The following FARS2 variants were observed in gnomAD, a reference collection of about 807,000 sequenced individuals.
The protein encoded by FARS2 is phenylalanyl-tRNA synthetase 2, mitochondrial, also known as phenylalanine--tRNA ligase, mitochondrial.
In FARS2, 40 loss-of-function variants were observed where a neutral mutation model predicts 46.4. The ratio of observed to expected loss-of-function variants is 0.86; its 90% CI spans 0.67 to 1.12. The LOEUF (loss-of-function observed/expected upper bound fraction) is 1.12. Ranked by LOEUF, FARS2 falls within the 50% of genes most tolerant of loss-of-function variation. FARS2 has a pLI of 0.00. For synonymous variants in FARS2, 234 were observed against 214.9 expected, an observed-to-expected ratio of 1.09 and a Z score of -0.78; for missense variants, 513 against 567.9, an observed-to-expected ratio of 0.90 and a Z score of 0.98.
intron 5 of FARS2, among the ~76,000 whole-genome samples, chr6:5,584,171 G>A (rs1185876949): frequency 2.9e-5 from 4 of 138,202 alleles, no homozygotes; most frequent in Non-Finnish European, 6.1e-5. Context: ...AGGACCCTGC[G>A]GGCCCTGAGT....
At chr6:5,281,459 A>C (rs1311822616) in intron 1 of FARS2, among the ~76,000 whole-genome samples, 1 of 152,170 alleles carries the variant, frequency 6.6e-6, no homozygotes, top group Non-Finnish European at 1.5e-5. Context: ...AATTGTGGTA[A>C]AATATATATA....
chr6:5,578,628 T>C (rs1254290335), intron 5 of FARS2, among the ~76,000 whole-genome samples: 1 of 151,688 alleles, frequency 6.6e-6, no homozygotes. Flanking sequence ...GCTAACACAG[T>C]GAAACCCCAT....
intron 6 of FARS2, among the ~76,000 whole-genome samples, chr6:5,617,191 A>G (rs1464723120): frequency 1.3e-5 from 2 of 152,220 alleles, no homozygotes; most frequent in African/African-American, 4.8e-5. Flanking sequence ...TAATGCAGGT[A>G]TACACACACA....
intron 1 of FARS2, among the ~76,000 whole-genome samples, chr6:5,291,674 C>T (rs1363702474): frequency 2.6e-5 from 4 of 151,616 alleles, no homozygotes; most frequent in Non-Finnish European, 4.4e-5. Flanking sequence ...GAGGCTAAGA[C>T]GGGAGTCCAG....
chr6:5,478,400 A>C (rs1766250955), intron 4 of FARS2, among the ~76,000 whole-genome samples: 1 of 152,230 alleles, frequency 6.6e-6, no homozygotes, highest in African/African-American at 2.4e-5. Context: ...CCTGACAGCT[A>C]ATCTTGGGAA....
intron 2 of FARS2, among the ~76,000 whole-genome samples, chr6:5,397,193 G>A (rs13215393): frequency 0.16 from 24,936 of 152,152 alleles, 2,757 homozygotes; most frequent in East Asian, 0.48. Context: ...AGGAAGACAA[G>A]CTGAAAAGGC....
chr6:5,574,239 C>T (rs1215054680), intron 5 of FARS2, among the ~76,000 whole-genome samples: 1 of 152,124 alleles, frequency 6.6e-6, no homozygotes, highest in Non-Finnish European at 1.5e-5. Context: ...ATTCTCCTAC[C>T]TCAGCCTCCC....
intron 4 of FARS2, among the ~76,000 whole-genome samples, chr6:5,434,622 G>T (rs1327154150): frequency 6.6e-6 from 1 of 152,168 alleles, no homozygotes; most frequent in Non-Finnish European, 1.5e-5. Flanking sequence ...ACAGACATTT[G>T]TAAGTGCAGC....
At chr6:5,640,977 C>T (rs1463785934) in intron 6 of FARS2, among the ~76,000 whole-genome samples, 2 of 152,146 alleles carry the variant, frequency 1.3e-5, no homozygotes, top group African/African-American at 4.8e-5. Flanking sequence ...TCAGTTTCTC[C>T]CTTTAGGTTG....
intron 4 of FARS2, among the ~76,000 whole-genome samples, chr6:5,518,279 T>G (rs566236787): frequency 6.6e-6 from 1 of 152,312 alleles, no homozygotes; most frequent in South Asian, 2.1e-4. Flanking sequence ...GATTCCTGTT[T>G]TGGGTGACAG....
At chr6:5,719,733 G>T (rs1415452050) in intron 6 of FARS2, among the ~76,000 whole-genome samples, 1 of 152,186 alleles carries the variant, frequency 6.6e-6, no homozygotes, top group Non-Finnish European at 1.5e-5. Context: ...ACAGAGAGAA[G>T]GTACATCTTA....
At chr6:5,267,728 T>C (rs1179890302) in intron 1 of FARS2, among the ~76,000 whole-genome samples, 5 of 146,748 alleles carry the variant, frequency 3.4e-5, no homozygotes, top group Non-Finnish European at 7.4e-5. Context: ...CACTCCAGCT[T>C]GGGAGACACA....
At chr6:5,390,021 C>A (rs962860055) in intron 2 of FARS2, among the ~76,000 whole-genome samples, 1 of 152,074 alleles carries the variant, frequency 6.6e-6, no homozygotes, top group East Asian at 1.9e-4. Flanking sequence ...CGCGCCACCA[C>A]GCCAGGCTAA....
intron 4 of FARS2, among the ~76,000 whole-genome samples, chr6:5,522,130 A>G (rs1279263679): frequency 6.6e-6 from 1 of 152,174 alleles, no homozygotes; most frequent in Non-Finnish European, 1.5e-5. Context: ...TTGACACTTT[A>G]TTTCTCAGTC....
At chr6:5,323,975 A>C (rs1008892022) in intron 1 of FARS2, among the ~76,000 whole-genome samples, 31 of 152,172 alleles carry the variant, frequency 2.0e-4, no homozygotes, top group African/African-American at 6.5e-4. Context: ...CCCCCAAGAT[A>C]ACTTCCCCTC....
At chr6:5,378,730 A>G (rs77354171) in intron 2 of FARS2, among the ~76,000 whole-genome samples, 1,623 of 152,278 alleles carry the variant, frequency 0.011, 26 homozygotes, top group African/African-American at 0.036. Flanking sequence ...TCTCTTCTTT[A>G]AAATATTTTA....
At chr6:5,336,277 G>A (rs1310081292) in intron 1 of FARS2, among the ~76,000 whole-genome samples, 1 of 151,610 alleles carries the variant, frequency 6.6e-6, no homozygotes, top group East Asian at 1.9e-4. Flanking sequence ...TCACTTCAGG[G>A]TTATAAAATA....
At chr6:5,708,544 T>A (rs1177224473) in intron 6 of FARS2, among the ~76,000 whole-genome samples, 1 of 152,130 alleles carries the variant, frequency 6.6e-6, no homozygotes, top group African/African-American at 2.4e-5. Context: ...CCAGCAGAGA[T>A]CTGTAAGTGG....
chr6:5,265,516 T>C (rs1467767804), intron 1 of FARS2, among the ~76,000 whole-genome samples: 2 of 152,244 alleles, frequency 1.3e-5, no homozygotes, highest in Non-Finnish European at 2.9e-5. Flanking sequence ...CAGGTACTGA[T>C]AACCTTTTGT....
Sources: allele counts gnomAD v4.1 joint callset (sites outside exome capture counted in the v4.1 genomes callset), GRCh38; gene constraint gnomAD v4.1.1; transcripts MANE v1.5; gene names NCBI Gene and HGNC (gene_info 2026-07-23, HGNC 2026-07-21).